FRMD6: variants seen among roughly 807,000 people sequenced by gnomAD.
FRMD6 encodes the protein FERM domain containing 6.
FRMD6 carries 37 observed loss-of-function variants against 73.2 expected under a neutral mutation model. The observed-to-expected ratio is 0.51, with a 90% CI of 0.39 to 0.66. The LOEUF (loss-of-function observed/expected upper bound fraction) is 0.66. Ranked by LOEUF, FRMD6 falls within the 30% of genes least tolerant of loss-of-function variation. The pLI, the probability that FRMD6 is intolerant of heterozygous loss-of-function variation, is 0.00. For synonymous variants in FRMD6, 273 were observed against 282.2 expected, an observed-to-expected ratio of 0.97 and a Z score of 0.33; for missense variants, 714 against 780.5, an observed-to-expected ratio of 0.91 and a Z score of 1.02.
rs569137494 is a variant in FRMD6 at position 51,519,799 on chromosome 14, T to G, written c.-210+30379T>G. ...GCAGAGACTCCTGGTAGCACAAAAT[T>G]TGGGGGCCCTATCACCAGTAGGTCT... On this transcript the variant is annotated intron_variant, in intron 1 of 14. Transcript: ENST00000356218. 5.9e-5 allele frequency among the ~76,000 whole-genome samples: 9 copies of G among 152,236 alleles called. No individual in the cohort carries two copies. In the South Asian group the frequency reaches 1.7e-3, roughly 28 times the overall value.
chr14:51,419,995 GCCCT>G, the FRMD6 span, among the ~76,000 whole-genome samples: 17 of 133,774 alleles, frequency 1.3e-4, no homozygotes, highest in South Asian at 3.7e-3. Flanking sequence ...GTGACTTCCT[GCCCT>G]CGTTAGGTGT....
At chr14:51,399,869 C>A in the FRMD6 span, among the ~76,000 whole-genome samples, 14,389 of 150,592 alleles carry the variant, frequency 0.096, 767 homozygotes, top group African/African-American at 0.14. Context: ...CAAATACAGG[C>A]GAATAAGAAA....
the FRMD6 span, among the ~76,000 whole-genome samples, chr14:51,480,766 T>A: frequency 6.6e-6 from 1 of 152,158 alleles, no homozygotes; most frequent in Non-Finnish European, 1.5e-5. Flanking sequence ...CACAATGATA[T>A]TGTGAGGCTT....
intron 2 of FRMD6, among the ~76,000 whole-genome samples, chr14:51,639,071 T>A (rs1891704870): frequency 6.6e-6 from 1 of 151,490 alleles, no homozygotes; most frequent in Non-Finnish European, 1.5e-5. Flanking sequence ...TTTTTTTTTA[T>A]TAAAACTAGG....
chr14:51,721,627 A>C (rs572401801), intron 11 of FRMD6, among the ~76,000 whole-genome samples: 1 of 107,246 alleles, frequency 9.3e-6, no homozygotes, highest in South Asian at 3.3e-4. Flanking sequence ...TTGAGAAAGA[A>C]AGAGAGGGAG....
At chr14:51,594,180 A>G (rs1402685681) in intron 2 of FRMD6, among the ~76,000 whole-genome samples, 2 of 152,160 alleles carry the variant, frequency 1.3e-5, no homozygotes, top group Non-Finnish European at 2.9e-5. Flanking sequence ...ACTGGAGTGC[A>G]GTGGCGCGAT....
upstream of FRMD6, chr14:51,650,389 CA>C (rs1303902514): frequency 7.5e-6 from 1 of 134,088 alleles, no homozygotes; most frequent in African/African-American, 2.7e-5. Context: ...AAGAGCAGGG[CA>C]GTTTTTTTTT....
At chr14:51,722,155 A>G in intron 12 of FRMD6, 75 bp downstream of exon 12, 1 of 1,543,246 alleles carries the variant, frequency 6.5e-7, no homozygotes, top group South Asian at 1.1e-5. Context: ...CTCAGAAAAT[A>G]GAAGGGGTGA....
chr14:51,498,773 C>T (rs1883446025), intron 1 of FRMD6, among the ~76,000 whole-genome samples: 1 of 152,120 alleles, frequency 6.6e-6, no homozygotes, highest in South Asian at 2.1e-4. Context: ...CCCGGCATCG[C>T]ATGGGAGGAA....
Position 51,494,942 on chromosome 14 carries a change from A to G in FRMD6, c.-210+5522A>G, listed in dbSNP as rs1291164676. On this transcript the variant is annotated intron_variant, in intron 1 of 14. Transcript: ENST00000356218. ...AATATACGTTCTCATTCTTTACAAT[A>G]TGGATAAGCTGAGAATTTTCTAAAT... Among the ~76,000 whole-genome samples the G allele has an allele frequency of 2.6e-5, 4 of 152,182 alleles. No homozygotes were observed. The East Asian group carries it at 5.8e-4, about 22-fold the overall frequency.
chr14:51,412,990 A>ATTT, the FRMD6 span, among the ~76,000 whole-genome samples: 442 of 134,130 alleles, frequency 3.3e-3, 2 homozygotes, highest in East Asian at 8.8e-3. Flanking sequence ...CCATAGTTAA[A>ATTT]TTTTTTTTTT....
chr14:51,664,591 A>G (rs1198415172), intron 1 of FRMD6, among the ~76,000 whole-genome samples: 1 of 152,264 alleles, frequency 6.6e-6, no homozygotes, highest in Admixed American at 6.5e-5. Context: ...ATACCAAAGT[A>G]TAGTATTAGT....
At chr14:51,427,110 A>AT in the FRMD6 span, among the ~76,000 whole-genome samples, 1 of 152,176 alleles carries the variant, frequency 6.6e-6, no homozygotes, top group Non-Finnish European at 1.5e-5. Context: ...TAGGTATATT[A>AT]TTTTTTTCCT....
At chr14:51,467,621 G>T in the FRMD6 span, among the ~76,000 whole-genome samples, 1 of 151,736 alleles carries the variant, frequency 6.6e-6, no homozygotes. Context: ...CTGGGCGGCC[G>T]GTCAGAGACG....
chr14:51,543,666 A>G (rs1250907349), intron 1 of FRMD6, among the ~76,000 whole-genome samples: 1 of 152,050 alleles, frequency 6.6e-6, no homozygotes, highest in East Asian at 1.9e-4. Flanking sequence ...AAAAGATTAT[A>G]CTACACAGGA....
chr14:51,664,261 T>A (rs1156445815), intron 1 of FRMD6, among the ~76,000 whole-genome samples: 3 of 152,244 alleles, frequency 2.0e-5, no homozygotes, highest in Non-Finnish European at 4.4e-5. Flanking sequence ...CGTTAAAATT[T>A]TAAATACCTT....
At chr14:51,445,032 A>T in the FRMD6 span, among the ~76,000 whole-genome samples, 45,588 of 151,936 alleles carry the variant, frequency 0.3, 7,119 homozygotes, top group Non-Finnish European at 0.33. Flanking sequence ...TCAACTATTA[A>T]TTTTTTTATT....
chr14:51,685,125 A>T (rs1214961572), intron 1 of FRMD6, among the ~76,000 whole-genome samples: 1 of 152,140 alleles, frequency 6.6e-6, no homozygotes, highest in Non-Finnish European at 1.5e-5. Context: ...GGAACATGGT[A>T]AGTTTGTAGT....
At chr14:51,523,316 C>T (rs749451903) in intron 1 of FRMD6, among the ~76,000 whole-genome samples, 4 of 152,106 alleles carry the variant, frequency 2.6e-5, no homozygotes, top group African/African-American at 9.7e-5. Flanking sequence ...GTTATGCTAC[C>T]TCCCAGCATG....
Sources: allele counts gnomAD v4.1 joint callset (sites outside exome capture counted in the v4.1 genomes callset), GRCh38; gene constraint gnomAD v4.1.1; transcripts MANE v1.5; gene names NCBI Gene and HGNC (gene_info 2026-07-23, HGNC 2026-07-21).